Variants in ZFP42 observed in about 807,000 individuals in gnomAD.
ZFP42 encodes ZFP42 zinc finger protein.
For synonymous variants in ZFP42, 175 were observed against 144.6 expected (o/e 1.21, Z -1.51); for missense variants, 438 against 377.1 (o/e 1.16, Z -1.34).
chr4:187,997,218 CTCTCATAT>C (rs1733627017), intron 1 of ZFP42, among the ~76,000 whole-genome samples: 1 of 94,214 alleles, frequency 1.1e-5, no homozygotes, highest in Non-Finnish European at 2.1e-5. Context: ...GTTACTTCCC[CTCTCATAT>C]TCTTTTTTTT....
At chr4:187,996,860 G>C (rs1005458477) in intron 1 of ZFP42, among the ~76,000 whole-genome samples, 5 of 152,136 alleles carry the variant, frequency 3.3e-5, no homozygotes, top group African/African-American at 1.2e-4. Flanking sequence ...CTTGCTGTTT[G>C]CTTGTTGGAA....
chr4:188,002,338 C>T (rs1733857271), intron 3 of ZFP42, among the ~76,000 whole-genome samples: 1 of 152,254 alleles, frequency 6.6e-6, no homozygotes, highest in African/African-American at 2.4e-5. Flanking sequence ...CTCTTTCACA[C>T]TTAGTCACCT....
intron 3 of ZFP42, among the ~76,000 whole-genome samples, chr4:188,000,629 C>T (rs544503112): frequency 8.5e-4 from 129 of 152,224 alleles, no homozygotes; most frequent in African/African-American, 2.9e-3. Context: ...CAGCCTTGTG[C>T]TCACAAAGGG....
intron 1 of ZFP42, among the ~76,000 whole-genome samples, chr4:187,998,157 A>G (rs767854420): frequency 4.3e-4 from 66 of 152,106 alleles, no homozygotes; most frequent in Non-Finnish European, 8.2e-4. Flanking sequence ...ACCAACGTGG[A>G]GAAACCTCAT....
At position 188,003,024 on chromosome 4, in the gene ZFP42, A is replaced by C; in HGVS notation, c.217A>C (p.Ile73Leu). ...LGGDDFSDCY[I>L]ECVIRGEFSQ... The stretch of plus-strand genomic sequence containing the variant: ...AGGGGATGATTTCTCAGACTGTTAC[A>C]TAGAATGCGTCATAAGGGGTGAGTT... The change falls in exon 4 of 4, where the codon ATA becomes CTA. Residue 73 changes from isoleucine (I) to leucine (L), a missense_variant. Physicochemically the swap from Ile to Leu is conservative, Grantham distance 5. Transcript: ENST00000326866. The C allele has an allele frequency of 1.2e-6, 2 of 1,614,196 alleles. No individual in the cohort carries two copies. Among genetic ancestry groups the C allele is most frequent in the Non-Finnish European group, 1.7e-6 (2 of 1,180,036 alleles).
In ZFP42 at chr4:188,004,820, G is replaced by A. The variant is rs959738655; in HGVS notation, c.*1080G>A. On this transcript the variant is annotated 3_prime_UTR_variant, in exon 4 of 4. Coordinates refer to ENST00000326866, the MANE Select transcript of ZFP42 (RefSeq NM_174900.5). Reference sequence around the variant, plus strand: ...GTAAAAATTAAAAATATACTTCATGGTTCATGTCATAGCCCTAGAGAATGA... The same window carrying A: ...GTAAAAATTAAAAATATACTTCATGATTCATGTCATAGCCCTAGAGAATGA... The A allele has an allele frequency of 6.0e-6, 1 of 167,024 alleles. No individual in the cohort carries two copies. Among genetic ancestry groups the A allele is most frequent in the East Asian group, 1.9e-4 (1 of 5,196 alleles). 10.3% of individuals were successfully genotyped at this position (167,024 alleles called of 1,614,324 possible). A position where few individuals can be genotyped will look rare whatever the true frequency, so the allele number is the denominator to read the frequency against.
At position 188,002,867 on chromosome 4, in the gene ZFP42, A is replaced by G; in HGVS notation, c.60A>G (p.Arg20=). The G allele has an allele frequency of 1.2e-6, 2 of 1,614,208 alleles. No individual in the cohort carries two copies. Among genetic ancestry groups the G allele is most frequent in the Non-Finnish European group, 1.7e-6 (2 of 1,180,036 alleles). The part of the protein sequence containing the change: ...KTRHQKGLGG[R]APSGAKPRQG... The stretch of plus-strand genomic sequence containing the variant: ...GACACCAGAAAGGCCTGGGTGGAAG[A>G]GCCCCCAGTGGGGCTAAGCCCAGGC... The change falls in exon 4 of 4, where the codon AGA becomes AGG. Residue 20 remains arginine, a synonymous_variant. Transcript: ENST00000326866.
chr4:187,996,305 CTT>C (rs10545348), intron 1 of ZFP42, among the ~76,000 whole-genome samples: 4,448 of 152,020 alleles, frequency 0.029, 219 homozygotes, highest in African/African-American at 0.1. Flanking sequence ...CTAGGAGACT[CTT>C]TCTTTTCTTT....
At chr4:187,997,046 A>G (rs1177974418) in intron 1 of ZFP42, among the ~76,000 whole-genome samples, 1 of 142,498 alleles carries the variant, frequency 7.0e-6, no homozygotes, top group Non-Finnish European at 1.5e-5. Flanking sequence ...TGGAGCATGG[A>G]GCATGGCCTG....
chr4:187,998,842 C>T (rs968766053), intron 1 of ZFP42, among the ~76,000 whole-genome samples: 5 of 152,106 alleles, frequency 3.3e-5, no homozygotes, highest in East Asian at 3.9e-4. Context: ...TTCCTGTCTT[C>T]GAGTGATGCA....
chr4:187,997,523 G>T (rs1338975328), intron 1 of ZFP42, among the ~76,000 whole-genome samples: 2 of 151,266 alleles, frequency 1.3e-5, no homozygotes, highest in Non-Finnish European at 2.9e-5. Context: ...CACCGCTCCC[G>T]GTCCCACCCC....
intron 3 of ZFP42, among the ~76,000 whole-genome samples, chr4:188,002,382 T>C (rs1733859288): frequency 6.6e-6 from 1 of 152,220 alleles, no homozygotes. Flanking sequence ...TTTTCTATGC[T>C]CATGAGTATG....
chr4:188,003,365 C>T lies in ZFP42; in HGVS notation c.558C>T (p.Ser186=), dbSNP rs1310690864. The T allele has an allele frequency of 1.9e-6, 3 of 1,613,940 alleles. No homozygotes were observed. Among genetic ancestry groups the T allele is most frequent in the Non-Finnish European group, 1.7e-6 (2 of 1,180,028 alleles). The stretch of plus-strand genomic sequence containing the variant: ...TAAATAAAGAATATGACAGTCTGAG[C>T]GCAATCGCTTGTCCTCAGAGTGGAT... The part of the protein sequence containing the change: ...PPINKEYDSL[S]AIACPQSGCT... Residue 186 remains serine, a synonymous_variant, in exon 4 of 4, where the codon AGC becomes AGT. Coordinates refer to ENST00000326866, the MANE Select transcript of ZFP42 (RefSeq NM_174900.5).
intron 1 of ZFP42, among the ~76,000 whole-genome samples, chr4:187,998,871 A>G (rs1431171029): frequency 1.3e-5 from 2 of 152,194 alleles, no homozygotes; most frequent in Non-Finnish European, 2.9e-5. Flanking sequence ...TATTTCTGCT[A>G]ACAGAAATTG....
intron 1 of ZFP42, among the ~76,000 whole-genome samples, chr4:187,996,383 T>G (rs966821174): frequency 6.6e-5 from 10 of 152,104 alleles, no homozygotes; most frequent in African/African-American, 2.4e-4. Context: ...CGATCTCGGC[T>G]CACTGCAACC....
rs770562419 is a variant in ZFP42 at position 188,003,072 on chromosome 4, G to A, written c.265G>A (p.Asp89Asn). ...GEFSQPILEE[D>N]SLFESLEYLK... ...GTTTTCTCAACCCATCCTGGAAGAG[G>A]ACTCACTTTTTGAGTCCTTGGAATA... Residue 89 changes from aspartate to asparagine, a missense_variant, in exon 4 of 4, where the codon GAC (aspartate) becomes AAC (asparagine). Physicochemically the swap from Asp to Asn is conservative, Grantham distance 23. Transcript: ENST00000326866. 2 of 1,614,048 alleles carry A rather than the reference G, an allele frequency of 1.2e-6. No homozygotes were observed. The highest frequency in any genetic ancestry group is 1.3e-5 in the African/African-American group (1 of 74,920).
chr4:188,004,224 G>A lies in ZFP42; in HGVS notation c.*484G>A, dbSNP rs1178770033. Reference sequence around the variant, plus strand: ...ACACTTTGTTGGGAGGCCAAAGCAGGAGGATAGCTTGAGGCCAGGAGTTCC... The same window carrying A: ...ACACTTTGTTGGGAGGCCAAAGCAGAAGGATAGCTTGAGGCCAGGAGTTCC... On this transcript the variant is annotated 3_prime_UTR_variant, in exon 4 of 4. Coordinates refer to ENST00000326866, the MANE Select transcript of ZFP42 (RefSeq NM_174900.5). 1 of 167,932 alleles carries A rather than the reference G, an allele frequency of 6.0e-6. No individual in the cohort carries two copies. Among genetic ancestry groups the A allele is most frequent in the Non-Finnish European group, 1.4e-5 (1 of 69,118 alleles). The allele number at this position is 167,932 out of a possible 1,614,324, so 10.4% of individuals were successfully genotyped here.
At chr4:188,000,309 T>A (rs1371765152) in intron 3 of ZFP42, among the ~76,000 whole-genome samples, 1 of 152,180 alleles carries the variant, frequency 6.6e-6, no homozygotes, top group Non-Finnish European at 1.5e-5. Flanking sequence ...ATCCTAGTAA[T>A]TACCCTCCAA....
rs763131501 is a variant in ZFP42 at position 188,003,766 on chromosome 4, A to G, written c.*26A>G. The G allele has an allele frequency of 1.3e-6, 2 of 1,578,058 alleles. No individual in the cohort carries two copies. The highest frequency in any genetic ancestry group is 2.3e-5 in the South Asian group (2 of 86,984). ...TCCTCCAACAGGATGAAGCAGATTA[A>G]CAGAAGAGTGATCAGTGACAAACAT... On this transcript the variant is annotated 3_prime_UTR_variant, in exon 4 of 4. Transcript: ENST00000326866.
Sources: allele counts gnomAD v4.1 joint callset (sites outside exome capture counted in the v4.1 genomes callset), GRCh38; gene constraint gnomAD v4.1.1; transcripts MANE v1.5; gene names NCBI Gene and HGNC (gene_info 2026-07-23, HGNC 2026-07-21).